The following RAMP1 variants were observed in gnomAD, a reference collection of about 807,000 sequenced individuals.
The protein encoded by RAMP1 is receptor activity-modifying protein 1.
A neutral mutation model predicts 8.2 loss-of-function variants in RAMP1; 7 were observed. That is an observed-to-expected ratio of 0.85 (90% CI 0.49 to 1.60). The LOEUF (loss-of-function observed/expected upper bound fraction) is 1.60. Among genes scored for constraint, RAMP1 ranks in the 40% most tolerant of loss-of-function variants. RAMP1 has a pLI of 0.00. For missense variants in RAMP1, 192 were observed against 202.4 expected, an observed-to-expected ratio of 0.95 and a Z score of 0.31; for synonymous variants, 92 against 84.7, an observed-to-expected ratio of 1.09 and a Z score of -0.47.
chr2:237,910,462 C>G (rs1052655517), intron 2 of RAMP1, among the ~76,000 whole-genome samples: 3 of 151,782 alleles, frequency 2.0e-5, no homozygotes, highest in African/African-American at 7.3e-5. Flanking sequence ...CAGTCACACA[C>G]AGAGAATAAC....
intron 1 of RAMP1, among the ~76,000 whole-genome samples, chr2:237,870,142 G>A (rs1290170008): frequency 1.3e-5 from 2 of 152,248 alleles, no homozygotes; most frequent in Admixed American, 6.5e-5. Context: ...TCTTTTGTCT[G>A]TGTCATGTCC....
rs1031945918 is a variant in RAMP1 at position 237,877,469 on chromosome 2, C to T, written c.191+107C>T. The T allele has an allele frequency of 1.4e-6, 2 of 1,434,406 alleles. No individual in the cohort carries two copies. Among genetic ancestry groups the T allele is most frequent in the South Asian group, 1.4e-5 (1 of 72,124 alleles). 88.9% of individuals were successfully genotyped at this position (1,434,406 alleles called of 1,614,324 possible). Reference sequence around the variant, plus strand: ...GCTGTGGAAGATCCTTTCTAGACCCCGGAAGGGTTCTTCCCCCAGTGGGGG... The same window carrying T: ...GCTGTGGAAGATCCTTTCTAGACCCTGGAAGGGTTCTTCCCCCAGTGGGGG... On this transcript the variant is annotated intron_variant, in intron 2 of 2. Transcript: ENST00000254661. This position sits in a 1 kb window ranked among gnomAD's most constrained non-coding sequence, Gnocchi z 4.4.
At chr2:237,905,065 C>T (rs2062639268) in intron 2 of RAMP1, among the ~76,000 whole-genome samples, 1 of 152,166 alleles carries the variant, frequency 6.6e-6, no homozygotes, top group Non-Finnish European at 1.5e-5. Context: ...GAAACTCCCA[C>T]CATAGGATTC....
At chr2:237,892,549 C>T (rs1220460469) in intron 2 of RAMP1, among the ~76,000 whole-genome samples, 2 of 152,122 alleles carry the variant, frequency 1.3e-5, no homozygotes, top group African/African-American at 2.4e-5. Context: ...TGTGAGCCAC[C>T]GTGCCCAGCC....
rs1422517255 is a variant in RAMP1 at position 237,859,785 on chromosome 2, TAGGGGAGAGG to T, written c.52+66_52+75del. ...CTTCCCCTGGCCAGCCGGTGTCCTC[TAGGGGAGAGG>T]AGGGGAGCGGGTGGGAGCGGGTGGG... On this transcript the variant is annotated intron_variant, in intron 1 of 2. Coordinates refer to ENST00000254661, the MANE Select transcript of RAMP1 (RefSeq NM_005855.4). 9 of 1,380,472 alleles carry T rather than the reference TAGGGGAGAGG, an allele frequency of 6.5e-6. No homozygotes were observed. In the African/African-American group the frequency reaches 1.2e-4, roughly 19 times the overall value. 85.5% of individuals were successfully genotyped at this position (1,380,472 alleles called of 1,614,324 possible).
intron 2 of RAMP1, among the ~76,000 whole-genome samples, chr2:237,879,198 A>G (rs1241913818): frequency 6.6e-6 from 1 of 152,204 alleles, no homozygotes; most frequent in Non-Finnish European, 1.5e-5. Context: ...GGGCCCCTGG[A>G]GAAAAGCACT....
chr2:237,877,196 C>G lies in RAMP1; in HGVS notation c.53-28C>G. On this transcript the variant is annotated intron_variant, in intron 1 of 2. Coordinates refer to ENST00000254661, the MANE Select transcript of RAMP1 (RefSeq NM_005855.4). The surrounding 1 kb of genome is among the most constrained non-coding windows in gnomAD (Gnocchi z 4.4). ...CCCCTAGGCCTCTGCTGCCGCCCGC[C>G]ATCTCTTCATGGCCGTGTCTATTTC... 1 of 1,613,170 alleles carries G rather than the reference C, an allele frequency of 6.2e-7. No homozygotes were observed. Among genetic ancestry groups the G allele is most frequent in the Non-Finnish European group, 8.5e-7 (1 of 1,179,968 alleles).
chr2:237,902,974 C>G (rs80127140), intron 2 of RAMP1, among the ~76,000 whole-genome samples: 2,972 of 152,320 alleles, frequency 0.02, 109 homozygotes, highest in African/African-American at 0.067. Flanking sequence ...TTACCCCAAT[C>G]CAGGCTGTTT....
chr2:237,863,701 A>G (rs1022132775), intron 1 of RAMP1, among the ~76,000 whole-genome samples: 1 of 151,724 alleles, frequency 6.6e-6, no homozygotes, highest in Non-Finnish European at 1.5e-5. Context: ...AGGGGGACAC[A>G]CTAGCCAGAT....
intron 1 of RAMP1, among the ~76,000 whole-genome samples, chr2:237,864,841 G>A (rs937507944): frequency 9.9e-5 from 15 of 152,216 alleles, no homozygotes; most frequent in African/African-American, 3.1e-4. Flanking sequence ...AGCAGCGGCA[G>A]CACAGTCCAG....
intron 1 of RAMP1, among the ~76,000 whole-genome samples, chr2:237,870,349 C>G (rs1375201069): frequency 6.6e-6 from 1 of 152,236 alleles, no homozygotes; most frequent in African/African-American, 2.4e-5. Context: ...CACCCATGTC[C>G]CTGCCTGAGG....
intron 2 of RAMP1, among the ~76,000 whole-genome samples, chr2:237,906,129 C>A (rs1283507647): frequency 1.3e-5 from 2 of 152,154 alleles, no homozygotes; most frequent in South Asian, 4.1e-4. Flanking sequence ...GGCCACATAA[C>A]GTGCACTCAT....
intron 1 of RAMP1, 196 bp downstream of exon 1, chr2:237,859,923 G>C (rs1041360674): frequency 4.0e-6 from 2 of 496,284 alleles, no homozygotes; most frequent in African/African-American, 4.1e-5. Context: ...GAGGCGGAGG[G>C]CGCGGACCGG....
At chr2:237,891,021 C>T (rs1324564845) in intron 2 of RAMP1, among the ~76,000 whole-genome samples, 1 of 152,114 alleles carries the variant, frequency 6.6e-6, no homozygotes, top group Non-Finnish European at 1.5e-5. Context: ...GATTTCAATC[C>T]TTAGTTCATC....
In RAMP1 at chr2:237,877,266, A is replaced by T. The variant is rs748950129; in HGVS notation, c.95A>T (p.Tyr32Phe). The T allele has an allele frequency of 6.2e-7, 1 of 1,613,958 alleles. No homozygotes were observed. The highest frequency in any genetic ancestry group is 1.7e-5 in the Admixed American group (1 of 60,016). Residue 32 changes from tyrosine (Y) to phenylalanine (F), a missense_variant, in exon 2 of 3, where the codon TAC (tyrosine) becomes TTC (phenylalanine). By Grantham distance (22) the Tyr-to-Phe change is conservative (BLOSUM62 3). Transcript: ENST00000254661. The surrounding 1 kb of genome is among the most constrained non-coding windows in gnomAD (Gnocchi z 4.4). ...ACCACTGCCTGCCAGGAGGCTAACT[A>T]CGGTGCCCTCCTCCGGGAGCTCTGC... ...FMTTACQEAN[Y>F]GALLRELCLT...
In RAMP1 at chr2:237,879,857, GCA is replaced by G. The variant is rs541959548; in HGVS notation, c.191+2499_191+2500del. Among the ~76,000 whole-genome samples the G allele has an allele frequency of 1.7e-3, 253 of 151,184 alleles. 1 individual carries two copies. Among genetic ancestry groups the G allele is most frequent in the African/African-American group, 6.0e-3 (246 of 41,242 alleles). On this transcript the variant is annotated intron_variant, in intron 2 of 2. Coordinates refer to ENST00000254661, the MANE Select transcript of RAMP1 (RefSeq NM_005855.4). ...ATATAAAAATTAGCCGGGCGTGGTA[GCA>G]CACGCCTGTAATCCCAGCTACTCGG...
chr2:237,881,803 G>A (rs571097430), intron 2 of RAMP1, among the ~76,000 whole-genome samples: 8 of 151,802 alleles, frequency 5.3e-5, no homozygotes, highest in East Asian at 3.9e-4. Context: ...TTTGTCTCTC[G>A]TGTACATTAG....
chr2:237,892,126 A>C (rs371115594), intron 2 of RAMP1, among the ~76,000 whole-genome samples: 1 of 152,074 alleles, frequency 6.6e-6, no homozygotes, highest in African/African-American at 2.4e-5. Flanking sequence ...TCTTCTGGAG[A>C]GTGGCAAGCC....
intron 2 of RAMP1, among the ~76,000 whole-genome samples, chr2:237,894,561 G>A (rs903922928): frequency 4.6e-5 from 7 of 152,200 alleles, no homozygotes; most frequent in Admixed American, 2.0e-4. Context: ...CAGCACCAGC[G>A]CCTGAATCCC....
Sources: gnomAD v4.1 joint callset for allele counts (sites outside exome capture counted in the v4.1 genomes callset) on GRCh38, gnomAD v4.1.1 for gene constraint, Gnocchi (gnomAD v3.1) non-coding constraint, MANE v1.5 for transcripts, NCBI Gene and HGNC (gene_info 2026-07-23, HGNC 2026-07-21) for gene names.